Variants in GALNT18 observed in about 807,000 individuals in gnomAD.
The protein encoded by GALNT18 is GalNAc-transferase 18.
A neutral mutation model predicts 69.5 loss-of-function variants in GALNT18; 44 were observed. The ratio of observed to expected loss-of-function variants is 0.63; its 90% CI spans 0.50 to 0.81. The LOEUF (loss-of-function observed/expected upper bound fraction) is 0.81. GALNT18 is among the 40% of genes least tolerant of loss of function. The pLI is 0.00. For missense variants in GALNT18, 715 were observed against 810.0 expected (o/e 0.88, Z 1.42); for synonymous variants, 364 against 318.2 (o/e 1.14, Z -1.53).
intron 3 of GALNT18, among the ~76,000 whole-genome samples, chr11:11,401,806 G>C (rs1490634704): frequency 6.6e-6 from 1 of 152,192 alleles, no homozygotes; most frequent in Non-Finnish European, 1.5e-5. Context: ...TTGTCTCAAA[G>C]AGTTCCTAGC....
At chr11:11,495,300 C>T (rs146518791) in intron 1 of GALNT18, among the ~76,000 whole-genome samples, 20 of 152,208 alleles carry the variant, frequency 1.3e-4, no homozygotes, top group African/African-American at 4.3e-4. Context: ...TGTTTCTTTC[C>T]GAAGGTACTT....
Position 11,540,025 on chromosome 11 carries a change from C to T in GALNT18, c.235+81334G>A, listed in dbSNP as rs1380426837. Among the ~76,000 whole-genome samples, 1 of 152,192 alleles carries T rather than the reference C, an allele frequency of 6.6e-6. No homozygotes were observed. The highest frequency in any genetic ancestry group is 2.4e-5 in the African/African-American group (1 of 41,454). On this transcript the variant is annotated intron_variant, in intron 1 of 10. Transcript: ENST00000227756. The surrounding 1 kb of genome is among the most constrained non-coding windows in gnomAD (Gnocchi z 4.6). ...GGAGACGGAGCTGCACAGGGGACCC[C>T]GATGCCAGTCCGGCACTTGCAGCCT...
intron 1 of GALNT18, among the ~76,000 whole-genome samples, chr11:11,524,719 AT>A (rs762472877): frequency 3.3e-5 from 5 of 152,210 alleles, no homozygotes; most frequent in African/African-American, 4.8e-5. Context: ...TAAGTCACTG[AT>A]TTGGGGGCGG....
At chr11:11,528,571 A>G (rs1857570711) in intron 1 of GALNT18, among the ~76,000 whole-genome samples, 1 of 152,230 alleles carries the variant, frequency 6.6e-6, no homozygotes, top group Non-Finnish European at 1.5e-5. Context: ...GGAATTAATC[A>G]GAGACTGATA....
chr11:11,379,753 C>T (rs58858203), intron 3 of GALNT18, among the ~76,000 whole-genome samples: 2,297 of 152,278 alleles, frequency 0.015, 58 homozygotes, highest in African/African-American at 0.051. Flanking sequence ...GCCCAGGATC[C>T]GCTCTCTGCC....
intron 1 of GALNT18, among the ~76,000 whole-genome samples, chr11:11,534,685 A>G (rs1350266629): frequency 6.6e-6 from 1 of 152,192 alleles, no homozygotes; most frequent in Non-Finnish European, 1.5e-5. Context: ...TCCATTTTCC[A>G]TTGGCACTTA....
chr11:11,330,188 G>A (rs1474435167), intron 8 of GALNT18, among the ~76,000 whole-genome samples: 1 of 152,158 alleles, frequency 6.6e-6, no homozygotes, highest in Non-Finnish European at 1.5e-5. Flanking sequence ...AATGGGCTGG[G>A]CTATAGACTT....
At chr11:11,361,459 T>G (rs554988024) in intron 6 of GALNT18, among the ~76,000 whole-genome samples, 89 of 152,350 alleles carry the variant, frequency 5.8e-4, no homozygotes, top group South Asian at 2.1e-3. Context: ...GGACAGTATC[T>G]CACATATAAT....
Position 11,271,174 on chromosome 11 carries a change from GA to G in GALNT18, c.1793del (p.Ile598ThrfsTer5), listed in dbSNP as rs1405814586. 2 of 1,613,852 alleles carry G rather than the reference GA, an allele frequency of 1.2e-6. No homozygotes were observed. The highest frequency in any genetic ancestry group is 1.7e-6 in the Non-Finnish European group (2 of 1,179,780). On this transcript the variant is annotated frameshift_variant, in exon 11 of 11. Coordinates refer to ENST00000227756, the MANE Select transcript of GALNT18 (RefSeq NM_198516.3). LOFTEE classifies it high-confidence loss of function. ...ACGCGAGGCTCCTCAGGACGTTGGTGATGCTCCAGTGCTGGCCCGAGCACTT... is the reference window on the plus strand; with the variant it reads ...ACGCGAGGCTCCTCAGGACGTTGGTGTGCTCCAGTGCTGGCCCGAGCACTT... ...LQKCSGQHWS[I>X]TNVLRSLAS
chr11:11,310,263 G>A (rs568201009), intron 9 of GALNT18, among the ~76,000 whole-genome samples: 1 of 152,346 alleles, frequency 6.6e-6, no homozygotes, highest in African/African-American at 2.4e-5. Context: ...CACCCAAGAA[G>A]CCCCCAGAGG....
In GALNT18 at chr11:11,402,693, T is replaced by C. The variant is rs1347540805; in HGVS notation, c.596-23429A>G. ...GTGTCCCAAAAACTCTTTAAGGAACTATAAATCCCAGTCATTTTCCAAACC... is the reference window on the plus strand; with the variant it reads ...GTGTCCCAAAAACTCTTTAAGGAACCATAAATCCCAGTCATTTTCCAAACC... On this transcript the variant is annotated intron_variant, in intron 3 of 10. Coordinates refer to ENST00000227756, the MANE Select transcript of GALNT18 (RefSeq NM_198516.3). The surrounding 1 kb of genome is among the most constrained non-coding windows in gnomAD (Gnocchi z 4.0). Among the ~76,000 whole-genome samples the C allele has an allele frequency of 1.3e-5, 2 of 152,224 alleles. No individual in the cohort carries two copies. Among genetic ancestry groups the C allele is most frequent in the African/African-American group, 4.8e-5 (2 of 41,454 alleles).
intron 1 of GALNT18, chr11:11,475,968 G>A (rs4601767): frequency 0.35 from 52,611 of 151,640 alleles, 9,483 homozygotes; most frequent in Admixed American, 0.48. Flanking sequence ...TTTTCTTGAC[G>A]CATCCCATTC....
At chr11:11,381,878 T>C (rs555579484) in intron 3 of GALNT18, among the ~76,000 whole-genome samples, 33 of 152,218 alleles carry the variant, frequency 2.2e-4, no homozygotes, top group Non-Finnish European at 3.4e-4. Context: ...TGGTTGCTGA[T>C]TCACACCATA....
chr11:11,585,251 C>A (rs1034073457), intron 1 of GALNT18, among the ~76,000 whole-genome samples: 2 of 152,104 alleles, frequency 1.3e-5, no homozygotes, highest in Non-Finnish European at 2.9e-5. Flanking sequence ...AAACTTATCA[C>A]TTGTCCAGTT....
chr11:11,599,819 G>T (rs1040178819), intron 1 of GALNT18, among the ~76,000 whole-genome samples: 1 of 151,864 alleles, frequency 6.6e-6, no homozygotes, highest in African/African-American at 2.4e-5. Flanking sequence ...TGTATGATGT[G>T]ATGCTTTGAT....
intron 10 of GALNT18, among the ~76,000 whole-genome samples, chr11:11,279,055 A>C (rs563383201): frequency 6.6e-6 from 1 of 152,312 alleles, no homozygotes; most frequent in Admixed American, 6.5e-5. Context: ...CGGATCCCTC[A>C]TGACGGGCTT....
In GALNT18 at chr11:11,620,880, G is replaced by A. The variant is rs79254524; in HGVS notation, c.235+479C>T. On this transcript the variant is annotated intron_variant, in intron 1 of 10. Transcript: ENST00000227756. This position sits in a 1 kb window ranked among gnomAD's most constrained non-coding sequence, Gnocchi z 6.9. ...TTTTCCTAGCCTCGCTTGTCCGGCA[G>A]CCTGCGGGTCTTAACTGCCAATAGT... is the stretch of plus-strand genomic sequence containing the variant. Among the ~76,000 whole-genome samples the A allele has an allele frequency of 0.03, 4,614 of 152,286 alleles. 168 individuals carry two copies. The highest frequency in any genetic ancestry group is 0.098 in the East Asian group (509 of 5,170).
chr11:11,275,744 T>A (rs1402337297), intron 10 of GALNT18, among the ~76,000 whole-genome samples: 1 of 152,264 alleles, frequency 6.6e-6, no homozygotes, highest in Non-Finnish European at 1.5e-5. Flanking sequence ...TTCAGTTTTC[T>A]GCATATGGCT....
rs530852567 is a variant in GALNT18, at chr11:11,414,339, C to T, written c.595+18282G>A. 1.0e-3 allele frequency among the ~76,000 whole-genome samples: 155 copies of T among 152,358 alleles called. 1 individual carries two copies. Among genetic ancestry groups the T allele is most frequent in the Middle Eastern group, 3.4e-3 (1 of 294 alleles). On this transcript the variant is annotated intron_variant, in intron 3 of 10. Coordinates refer to ENST00000227756, the MANE Select transcript of GALNT18 (RefSeq NM_198516.3). ...GAAAGTAATATTCTAAAAAGTCCCA[C>T]ATGACAAGGCCACTGCCTAATTCTT...
Sources: gnomAD v4.1 joint callset for allele counts (sites outside exome capture counted in the v4.1 genomes callset) on GRCh38, gnomAD v4.1.1 for gene constraint, Gnocchi (gnomAD v3.1) non-coding constraint, MANE v1.5 for transcripts, NCBI Gene and HGNC (gene_info 2026-07-23, HGNC 2026-07-21) for gene names.